Variants in CABLES1 observed in about 807,000 individuals in gnomAD.
CABLES1 encodes the protein Cdk5 and Abl enzyme substrate 1, also known as CDK5 and ABL1 enzyme substrate 1.
CABLES1 carries 36 observed loss-of-function variants against 57.8 expected under a neutral mutation model. The ratio of observed to expected loss-of-function variants is 0.62; its 90% CI spans 0.48 to 0.82. The LOEUF (loss-of-function observed/expected upper bound fraction) is 0.82, where lower values mean the gene tolerates loss of function less well. CABLES1 is among the 40% of genes least tolerant of loss of function. The pLI is 0.00. For missense variants in CABLES1, 767 were observed against 836.6 expected, an observed-to-expected ratio of 0.92 and a Z score of 1.03; for synonymous variants, 374 against 363.0, an observed-to-expected ratio of 1.03 and a Z score of -0.35.
chr18:23,200,632 C>T (rs568504202), intron 3 of CABLES1, among the ~76,000 whole-genome samples: 14 of 152,218 alleles, frequency 9.2e-5, no homozygotes, highest in African/African-American at 3.1e-4. Flanking sequence ...TGAGAACAGA[C>T]GGTTTGTGTG....
chr18:23,153,380 G>GT (rs1247793888), intron 1 of CABLES1, among the ~76,000 whole-genome samples: 5 of 152,118 alleles, frequency 3.3e-5, no homozygotes, highest in African/African-American at 1.2e-4. Flanking sequence ...TTACAGGCAT[G>GT]TGCCACTATG....
At position 23,257,401 on chromosome 18, in the gene CABLES1, T is replaced by A. The variant is rs1267218152; in HGVS notation, c.*34T>A. 1 of 1,555,500 alleles carries A rather than the reference T, an allele frequency of 6.4e-7. No homozygotes were observed. The highest frequency in any genetic ancestry group is 8.6e-7 in the Non-Finnish European group (1 of 1,156,884). On this transcript the variant is annotated 3_prime_UTR_variant, in exon 10 of 10. Coordinates refer to ENST00000256925, the MANE Select transcript of CABLES1 (RefSeq NM_001100619.3). ...CCGAGGACAGCCAAGGGCCATTTCT[T>A]CTCAGCTTGGTGGAGCAGCACTTAC...
rs7236628 is a variant in CABLES1 at position 23,236,223 on chromosome 18, G to T, written c.1342+172G>T. Among the ~76,000 whole-genome samples the T allele has an allele frequency of 6.8e-3, 1,039 of 152,270 alleles. 13 individuals are homozygous for T. The highest frequency in any genetic ancestry group is 0.024 in the African/African-American group (978 of 41,544). On this transcript the variant is annotated intron_variant, in intron 6 of 9. Transcript: ENST00000256925. ...GCAGGCCCGCAATGAAGCCGCAGGT[G>T]ATTTCTCTCTAATCAGATGACCCAG... is the stretch of plus-strand genomic sequence containing the variant.
chr18:23,207,788 G>A (rs1246262265), intron 3 of CABLES1, among the ~76,000 whole-genome samples: 2 of 152,188 alleles, frequency 1.3e-5, no homozygotes, highest in Non-Finnish European at 2.9e-5. Context: ...TCCTTAGCAG[G>A]TGGGGAGGCC....
In CABLES1 at chr18:23,135,579, C is replaced by G; in HGVS notation, c.-184C>G. The G allele has an allele frequency of 4.6e-6, 1 of 215,606 alleles. No homozygotes were observed. Among genetic ancestry groups the G allele is most frequent in the Non-Finnish European group, 7.9e-6 (1 of 127,264 alleles). 13.4% of individuals were successfully genotyped at this position (215,606 alleles called of 1,614,324 possible). On this transcript the variant is annotated 5_prime_UTR_variant, in exon 1 of 10. Transcript: ENST00000256925. ...GCGTGCGCGTGGGCCGGGGCGGCGG[C>G]GCCCCCATCCCCAGCACCGAGGGGC...
At chr18:23,215,575 G>T (rs576639284) in intron 4 of CABLES1, among the ~76,000 whole-genome samples, 109 of 152,174 alleles carry the variant, frequency 7.2e-4, no homozygotes, top group African/African-American at 2.5e-3. Context: ...TGACCTCTCT[G>T]ATTGACACAT....
At chr18:23,180,060 A>G (rs1280759098) in intron 1 of CABLES1, among the ~76,000 whole-genome samples, 1 of 151,822 alleles carries the variant, frequency 6.6e-6, no homozygotes, top group Non-Finnish European at 1.5e-5. Flanking sequence ...CTGGGACTAC[A>G]GGCGCCCGCC....
chr18:23,176,917 G>T (rs947315041), intron 1 of CABLES1, among the ~76,000 whole-genome samples: 25 of 152,084 alleles, frequency 1.6e-4, no homozygotes, highest in Non-Finnish European at 3.5e-4. Context: ...GCAGCCCTCT[G>T]AAGGGTCCGG....
chr18:23,162,973 G>A (rs1267698010), intron 1 of CABLES1, among the ~76,000 whole-genome samples: 1 of 152,236 alleles, frequency 6.6e-6, no homozygotes, highest in Non-Finnish European at 1.5e-5. Flanking sequence ...CTGCTCAGGA[G>A]ACCAGGCAGG....
chr18:23,176,356 A>G (rs2144997890), intron 1 of CABLES1, among the ~76,000 whole-genome samples: 1 of 152,188 alleles, frequency 6.6e-6, no homozygotes, highest in Admixed American at 6.5e-5. Flanking sequence ...TCCTGTGAGA[A>G]TCTGATGCCC....
intron 3 of CABLES1, among the ~76,000 whole-genome samples, chr18:23,207,801 C>T (rs1408104773): frequency 6.6e-6 from 1 of 152,116 alleles, no homozygotes; most frequent in Admixed American, 6.5e-5. Flanking sequence ...GGGAGGCCTG[C>T]CTGCAGTATG....
chr18:23,194,585 G>A lies in CABLES1; in HGVS notation c.1010+45G>A, dbSNP rs762169215. On this transcript the variant is annotated intron_variant, in intron 3 of 9. Coordinates refer to ENST00000256925, the MANE Select transcript of CABLES1 (RefSeq NM_001100619.3). Reference sequence around the variant, plus strand: ...GCGGCTGCCAGCACCAGTGGGTGGAGACAGGGACTGGAGGAGGGGACAGTT... The same window carrying A: ...GCGGCTGCCAGCACCAGTGGGTGGAAACAGGGACTGGAGGAGGGGACAGTT... 12 of 1,287,692 alleles carry A rather than the reference G, an allele frequency of 9.3e-6. No homozygotes were observed. In the South Asian group the frequency reaches 1.3e-4, roughly 14 times the overall value. The allele number at this position is 1,287,692 out of a possible 1,614,324, so 79.8% of individuals were successfully genotyped here.
At chr18:23,227,713 C>T (rs886798152) in intron 4 of CABLES1, among the ~76,000 whole-genome samples, 2 of 152,148 alleles carry the variant, frequency 1.3e-5, no homozygotes, top group Non-Finnish European at 1.5e-5. Flanking sequence ...CTTGTGTCGT[C>T]GACTTCCGGC....
chr18:23,234,236 CAAAG>C (rs774135162), intron 4 of CABLES1, among the ~76,000 whole-genome samples: 33 of 152,158 alleles, frequency 2.2e-4, no homozygotes, highest in African/African-American at 4.8e-4. Context: ...AACAAAAAAA[CAAAG>C]AAAGAAAGAA....
intron 3 of CABLES1, among the ~76,000 whole-genome samples, chr18:23,204,940 G>T (rs374241628): frequency 1.6e-4 from 25 of 152,332 alleles, no homozygotes; most frequent in African/African-American, 6.0e-4. Flanking sequence ...TTCAAGATGA[G>T]ATTTGGGTGG....
At chr18:23,159,880 TC>T (rs2046991139) in intron 1 of CABLES1, among the ~76,000 whole-genome samples, 1 of 148,480 alleles carries the variant, frequency 6.7e-6, no homozygotes, top group East Asian at 1.9e-4. Context: ...TGATTTTCTT[TC>T]TTTTTTTTTT....
chr18:23,173,201 G>T (rs536446512), intron 1 of CABLES1, among the ~76,000 whole-genome samples: 1 of 152,250 alleles, frequency 6.6e-6, no homozygotes, highest in Non-Finnish European at 1.5e-5. Context: ...CTGTGCTGGA[G>T]CATCTGTCGA....
chr18:23,224,334 C>T (rs184706483), intron 4 of CABLES1, among the ~76,000 whole-genome samples: 68 of 152,070 alleles, frequency 4.5e-4, no homozygotes, highest in African/African-American at 1.5e-3. Flanking sequence ...CCATGGGCAC[C>T]GGCGGCCAGG....
intron 7 of CABLES1, among the ~76,000 whole-genome samples, chr18:23,248,243 T>TTATGGGGATCAGAAGCTCTTTC (rs2047947634): frequency 6.6e-6 from 1 of 152,104 alleles, no homozygotes; most frequent in African/African-American, 2.4e-5. Context: ...GTCAGTGCCT[T>TTATGGGGATCAGAAGCTCTTTC]TATGGGGATC....
Sources: gnomAD v4.1 joint callset for allele counts (sites outside exome capture counted in the v4.1 genomes callset) on GRCh38, gnomAD v4.1.1 for gene constraint, MANE v1.5 for transcripts, NCBI Gene and HGNC (gene_info 2026-07-23, HGNC 2026-07-21) for gene names.